The following ANKFN1 variants were observed in gnomAD, a reference collection of about 807,000 sequenced individuals.
ANKFN1 encodes ankyrin repeat and fibronectin type III domain containing 1, also known as ankyrin repeat and fibronectin type-III domain-containing protein 1.
A neutral mutation model predicts 108.7 loss-of-function variants in ANKFN1; 74 were observed. That is an observed-to-expected ratio of 0.68 (90% CI 0.56 to 0.83). ANKFN1 has a LOEUF of 0.83. Ranked by LOEUF, ANKFN1 falls within the 40% of genes least tolerant of loss-of-function variation. The pLI, the probability that ANKFN1 is intolerant of heterozygous loss-of-function variation, is 0.00. For missense variants in ANKFN1, 1,505 were observed against 1,382.3 expected, an observed-to-expected ratio of 1.09 and a Z score of -1.41; for synonymous variants, 547 against 516.2, an observed-to-expected ratio of 1.06 and a Z score of -0.81.
At chr17:56,434,664 G>A (rs1371974013) in intron 8 of ANKFN1, among the ~76,000 whole-genome samples, 6 of 152,000 alleles carry the variant, frequency 3.9e-5, no homozygotes, top group Non-Finnish European at 5.9e-5. Context: ...GAGTTTTCAC[G>A]TCAGTTCCTA....
intron 1 of ANKFN1, among the ~76,000 whole-genome samples, chr17:56,198,072 T>C (rs1221360870): frequency 6.6e-6 from 1 of 152,192 alleles, no homozygotes; most frequent in African/African-American, 2.4e-5. Context: ...ACATTCCTTA[T>C]GAGAGTCTAA....
intron 1 of ANKFN1, among the ~76,000 whole-genome samples, chr17:56,170,400 G>T (rs1234378403): frequency 6.6e-5 from 10 of 152,144 alleles, no homozygotes; most frequent in Non-Finnish European, 1.0e-4. Context: ...CAGACAGGTT[G>T]CTGGAGCTAA....
chr17:56,420,683 C>CTTTTTTTTTT (rs755355387), intron 8 of ANKFN1, among the ~76,000 whole-genome samples: 1 of 119,574 alleles, frequency 8.4e-6, no homozygotes, highest in Non-Finnish European at 1.8e-5. Context: ...CTGACTCCTT[C>CTTTTTTTTTT]TTTTTTTTTT....
rs774194656 is a variant in ANKFN1, at chr17:56,510,915, C to T, written c.3087C>T (p.Leu1029=). 1 of 1,536,178 alleles carries T rather than the reference C, an allele frequency of 6.5e-7. No individual in the cohort carries two copies. Among genetic ancestry groups the T allele is most frequent in the East Asian group, 2.4e-5 (1 of 40,910 alleles). ...ACAGCGAGACCCAGTCGCTATCGCT[C>T]TCTGAGGGCATTTATACACAGCACC... The part of the protein sequence containing the change: ...RIHSETQSLS[L]SEGIYTQHLS... Residue 1029 remains leucine (L), a synonymous_variant, in exon 21 of 21, where the codon CTC becomes CTT. Coordinates refer to ENST00000682825, the MANE Select transcript of ANKFN1 (RefSeq NM_001370326.1).
intron 1 of ANKFN1, among the ~76,000 whole-genome samples, chr17:56,193,293 C>T (rs1457777587): frequency 7.2e-6 from 1 of 138,326 alleles, no homozygotes; most frequent in Non-Finnish European, 1.5e-5. Flanking sequence ...GGGAGATATA[C>T]CTAATGCTAG....
rs184017890 is a variant in ANKFN1, at chr17:56,166,550, A to G, written c.-71+13020A>G. Reference sequence around the variant, plus strand: ...CAGTCTCTTTCCATCTTAACCACCTACTATTTCTAACGTGAAGCCCATACT... The same window carrying G: ...CAGTCTCTTTCCATCTTAACCACCTGCTATTTCTAACGTGAAGCCCATACT... On this transcript the variant is annotated intron_variant, in intron 1 of 20. Coordinates refer to ENST00000682825, the MANE Select transcript of ANKFN1 (RefSeq NM_001370326.1). Among the ~76,000 whole-genome samples, 415 of 152,156 alleles carry G rather than the reference A, an allele frequency of 2.7e-3. 2 individuals carry two copies. The highest frequency in any genetic ancestry group is 9.5e-3 in the African/African-American group (393 of 41,518).
At chr17:56,173,090 G>C (rs1187318153) in intron 1 of ANKFN1, among the ~76,000 whole-genome samples, 1 of 152,182 alleles carries the variant, frequency 6.6e-6, no homozygotes, top group Non-Finnish European at 1.5e-5. Context: ...TAAAATTTGT[G>C]AAAGTGGATT....
At chr17:56,309,629 A>G (rs1007156769) in intron 3 of ANKFN1, among the ~76,000 whole-genome samples, 6 of 152,084 alleles carry the variant, frequency 3.9e-5, no homozygotes, top group African/African-American at 1.4e-4. Flanking sequence ...CCTTTCATCC[A>G]CAGGGGATAC....
chr17:56,496,904 A>C (rs913466689), intron 19 of ANKFN1, among the ~76,000 whole-genome samples: 2 of 152,140 alleles, frequency 1.3e-5, no homozygotes, highest in Non-Finnish European at 2.9e-5. Context: ...GATAAAGTAC[A>C]CTTATCTATA....
chr17:56,444,111 C>T (rs1038855902), intron 10 of ANKFN1, among the ~76,000 whole-genome samples: 11 of 152,064 alleles, frequency 7.2e-5, no homozygotes, highest in African/African-American at 2.7e-4. Flanking sequence ...GTAGGGAGAA[C>T]AAATATCCAG....
intron 3 of ANKFN1, among the ~76,000 whole-genome samples, chr17:56,279,240 C>T (rs2044009939): frequency 6.6e-6 from 1 of 152,060 alleles, no homozygotes; most frequent in African/African-American, 2.4e-5. Context: ...GTTTTTCTAC[C>T]TATTGTCCTA....
intron 6 of ANKFN1, among the ~76,000 whole-genome samples, chr17:56,354,936 T>C (rs2046335948): frequency 6.6e-6 from 1 of 152,202 alleles, no homozygotes; most frequent in South Asian, 2.1e-4. Context: ...TTATTTCCCT[T>C]GGATATATAC....
At chr17:56,420,800 C>T (rs933668874) in intron 8 of ANKFN1, among the ~76,000 whole-genome samples, 2 of 151,592 alleles carry the variant, frequency 1.3e-5, no homozygotes, top group South Asian at 2.1e-4. Flanking sequence ...CTCTGCCTGC[C>T]GGGTTCATGC....
At chr17:56,180,384 T>G (rs1911580233) in intron 1 of ANKFN1, among the ~76,000 whole-genome samples, 1 of 152,204 alleles carries the variant, frequency 6.6e-6, no homozygotes, top group Non-Finnish European at 1.5e-5. Flanking sequence ...AAGCCCATTC[T>G]TACCTCCTCA....
intron 14 of ANKFN1, among the ~76,000 whole-genome samples, chr17:56,460,254 G>A (rs1468400742): frequency 1.3e-5 from 2 of 152,010 alleles, no homozygotes; most frequent in Non-Finnish European, 2.9e-5. Context: ...AGGAGTTTCA[G>A]ACCAGCTGAG....
chr17:56,071,561 C>G (rs1349721733), intron 4 of ANKFN1, among the ~76,000 whole-genome samples: 1 of 152,184 alleles, frequency 6.6e-6, no homozygotes, highest in Non-Finnish European at 1.5e-5. Flanking sequence ...AAGAATCAAC[C>G]TAATGCCAAA....
At chr17:56,364,344 T>A (rs1438399021) in intron 6 of ANKFN1, among the ~76,000 whole-genome samples, 1 of 152,126 alleles carries the variant, frequency 6.6e-6, no homozygotes, top group African/African-American at 2.4e-5. Flanking sequence ...ATTAATAAAT[T>A]GTATATTGAT....
chr17:56,459,035 C>G (rs2049810173), intron 14 of ANKFN1, among the ~76,000 whole-genome samples: 1 of 152,152 alleles, frequency 6.6e-6, no homozygotes, highest in Admixed American at 6.5e-5. Context: ...TTCCATTACA[C>G]AGGTAGCTTG....
chr17:56,189,997 C>CA (rs59587527), intron 1 of ANKFN1, among the ~76,000 whole-genome samples: 56,378 of 143,206 alleles, frequency 0.39, 13,573 homozygotes, highest in African/African-American at 0.69. Flanking sequence ...CATCCATGTG[C>CA]AAAAAAAAAA....
Sources: gnomAD v4.1 joint callset for allele counts (sites outside exome capture counted in the v4.1 genomes callset) on GRCh38, gnomAD v4.1.1 for gene constraint, MANE v1.5 for transcripts, NCBI Gene and HGNC (gene_info 2026-07-23, HGNC 2026-07-21) for gene names.